Variants in LMO7 observed in about 807,000 individuals in gnomAD.
LMO7 encodes LIM domain 7, also known as LIM domain only protein 7.
LMO7 carries 120 observed loss-of-function variants against 206.5 expected under a neutral mutation model. That is an observed-to-expected ratio of 0.58 (90% CI 0.50 to 0.68). LMO7 has a LOEUF of 0.68. LMO7 is among the 30% of genes least tolerant of loss of function. The probability of loss-of-function intolerance (pLI) is 0.00; values close to 1 mark genes in which losing one functional copy is unlikely to be tolerated. For missense variants in LMO7, 1,959 were observed against 1,957.9 expected (o/e 1.00, Z -0.01); for synonymous variants, 706 against 681.5 (o/e 1.04, Z -0.56).
intron 1 of LMO7, among the ~76,000 whole-genome samples, chr13:75,676,397 T>C (rs2040019671): frequency 6.6e-6 from 1 of 152,208 alleles, no homozygotes; most frequent in Non-Finnish European, 1.5e-5. Context: ...ATCTAAGTTA[T>C]ATACGAGCAC....
At chr13:75,834,519 C>G in intron 17 of LMO7, 132 bp downstream of exon 17, 1 of 627,164 alleles carries the variant, frequency 1.6e-6, no homozygotes, top group Non-Finnish European at 2.6e-6. Context: ...TTTGTAGTTA[C>G]GTCATGACAA....
chr13:75,776,252 T>C (rs1381409926), intron 4 of LMO7, among the ~76,000 whole-genome samples: 2 of 136,782 alleles, frequency 1.5e-5, no homozygotes, highest in South Asian at 2.5e-4. Context: ...ACAAGTCTTT[T>C]TGAAGTTAGT....
At position 75,743,486 on chromosome 13, in the gene LMO7, T is replaced by C. The variant is rs192589070; in HGVS notation, c.210+16388T>C. On this transcript the variant is annotated intron_variant, in intron 3 of 30. Coordinates refer to ENST00000377534, the MANE Select transcript of LMO7 (RefSeq NM_001306080.2). ...AATGGTAGACTGGAAAAAGAAAATA[T>C]GGTACATATATAGCATAGAATACTA... Among the ~76,000 whole-genome samples, 3 of 152,204 alleles carry C rather than the reference T, an allele frequency of 2.0e-5. No individual in the cohort carries two copies. The East Asian group carries it at 5.8e-4, about 29-fold the overall frequency.
At chr13:75,634,394 C>A (rs910552631), upstream of LMO7, among the ~76,000 whole-genome samples, 1 of 151,828 alleles carries the variant, frequency 6.6e-6, no homozygotes, top group Non-Finnish European at 1.5e-5. Flanking sequence ...GCTATGATGG[C>A]GCAACTGCAC....
At chr13:75,709,783 G>A (rs989654600) in intron 1 of LMO7, among the ~76,000 whole-genome samples, 18 of 152,144 alleles carry the variant, frequency 1.2e-4, no homozygotes, top group African/African-American at 2.7e-4. Context: ...CTTTTGCTGT[G>A]CAGAAGCTCT....
intron 11 of LMO7, among the ~76,000 whole-genome samples, chr13:75,811,080 T>C (rs1054647769): frequency 2.0e-5 from 3 of 152,220 alleles, no homozygotes; most frequent in African/African-American, 7.2e-5. Context: ...ATAATATGAA[T>C]GTGTCCTCAG....
intron 1 of LMO7, among the ~76,000 whole-genome samples, chr13:75,690,016 G>A (rs1401920597): frequency 6.6e-6 from 1 of 151,148 alleles, no homozygotes; most frequent in Non-Finnish European, 1.5e-5. Flanking sequence ...AAAGAGAACC[G>A]AAGAGAACCC....
intron 4 of LMO7, among the ~76,000 whole-genome samples, chr13:75,768,182 A>T (rs949150973): frequency 1.3e-5 from 2 of 152,206 alleles, no homozygotes; most frequent in African/African-American, 2.4e-5. Flanking sequence ...AAGAAGATAC[A>T]TGTCTCCTGT....
chr13:75,695,623 G>A (rs2041841458), intron 1 of LMO7, among the ~76,000 whole-genome samples: 1 of 152,210 alleles, frequency 6.6e-6, no homozygotes, highest in African/African-American at 2.4e-5. Context: ...GGGATTACAG[G>A]CGTGAGCTAC....
chr13:75,681,376 A>G (rs939865423), intron 1 of LMO7, among the ~76,000 whole-genome samples: 1 of 152,152 alleles, frequency 6.6e-6, no homozygotes, highest in Non-Finnish European at 1.5e-5. Context: ...ACTTCTGGTA[A>G]TATCAGTTCA....
intron 4 of LMO7, among the ~76,000 whole-genome samples, chr13:75,783,152 T>C (rs2051812445): frequency 6.6e-6 from 1 of 152,198 alleles, no homozygotes; most frequent in East Asian, 1.9e-4. Context: ...ACAGATGTAT[T>C]TTACAGCATA....
chr13:75,647,390 A>G (rs1047456320), intron 1 of LMO7, among the ~76,000 whole-genome samples: 1 of 152,172 alleles, frequency 6.6e-6, no homozygotes, highest in Non-Finnish European at 1.5e-5. Context: ...AGACTGAGCA[A>G]GTTTTGAACA....
At chr13:75,838,334 A>G (rs374777824) in intron 20 of LMO7, 138 bp downstream of exon 20, 18 of 1,515,056 alleles carry the variant, frequency 1.2e-5, no homozygotes, top group Admixed American at 8.0e-5. Flanking sequence ...ACCCATTTCC[A>G]TTCTTTCCCT....
At chr13:75,630,149 GTTT>G (rs1014297398) in intron 2 of LMO7, among the ~76,000 whole-genome samples, 10 of 152,092 alleles carry the variant, frequency 6.6e-5, no homozygotes, top group African/African-American at 2.2e-4. Flanking sequence ...GTTATACTGT[GTTT>G]TTTAACATTT....
intron 2 of LMO7, among the ~76,000 whole-genome samples, chr13:75,720,544 C>G (rs1477080914): frequency 6.6e-6 from 1 of 152,104 alleles, no homozygotes; most frequent in African/African-American, 2.4e-5. Context: ...TGCCGTTTGC[C>G]TTTGATGTGA....
chr13:75,822,676 A>G (rs1435567624), intron 14 of LMO7, among the ~76,000 whole-genome samples: 2 of 149,924 alleles, frequency 1.3e-5, no homozygotes, highest in African/African-American at 4.9e-5. Context: ...AAACATCGAA[A>G]ATATCTAGTG....
At chr13:75,762,693 G>A (rs1400576932) in intron 4 of LMO7, among the ~76,000 whole-genome samples, 1 of 152,176 alleles carries the variant, frequency 6.6e-6, no homozygotes, top group Non-Finnish European at 1.5e-5. Context: ...GCTGTAGTGA[G>A]AAGCATGCAG....
Position 75,853,360 on chromosome 13 carries a change from TCA to T in LMO7, c.4636_4637del (p.Gln1546ValfsTer7). ...PTPRSHSPSASQSGSQLRNRS... is the reference protein window; with the variant it reads ...PTPRSHSPSAXQSGSQLRNRS... ...CCCGAGAAGCCATTCCCCTTCAGCT[TCA>T]CAGTCAGGCTCTCAGCTGCGTAACA... On this transcript the variant is annotated frameshift_variant, in exon 28 of 31. Coordinates refer to ENST00000377534, the MANE Select transcript of LMO7 (RefSeq NM_001306080.2). LOFTEE classifies it high-confidence loss of function. The T allele has an allele frequency of 6.2e-7, 1 of 1,611,256 alleles. No individual in the cohort carries two copies. The highest frequency in any genetic ancestry group is 8.5e-7 in the Non-Finnish European group (1 of 1,178,522).
At chr13:75,813,862 C>T (rs2056706127) in intron 11 of LMO7, among the ~76,000 whole-genome samples, 1 of 152,154 alleles carries the variant, frequency 6.6e-6, no homozygotes, top group Admixed American at 6.5e-5. Flanking sequence ...TATTAGCATC[C>T]TTTTTTGTTT....
Sources: allele counts gnomAD v4.1 joint callset (sites outside exome capture counted in the v4.1 genomes callset), GRCh38; gene constraint gnomAD v4.1.1; transcripts MANE v1.5; gene names NCBI Gene and HGNC (gene_info 2026-07-23, HGNC 2026-07-21).